The following ADK variants were observed in gnomAD, a reference collection of about 807,000 sequenced individuals.
The protein encoded by ADK is N6,N6-dimethyladenosine kinase.
Under a neutral mutation model 44.7 loss-of-function variants are expected in ADK, and 24 were observed. The observed-to-expected ratio is 0.54, with a 90% confidence interval of 0.39 to 0.76. The LOEUF is 0.76. Ranked by LOEUF, ADK falls within the 30% of genes least tolerant of loss-of-function variation. The probability of loss-of-function intolerance (pLI) is 0.00; values close to 1 mark genes in which losing one functional copy is unlikely to be tolerated. For synonymous variants in ADK, 128 were observed against 142.6 expected, an observed-to-expected ratio of 0.90 and a Z score of 0.73; for missense variants, 321 against 425.1, an observed-to-expected ratio of 0.76 and a Z score of 2.15.
intron 9 of ADK, among the ~76,000 whole-genome samples, chr10:74,633,664 T>C (rs1414933906): frequency 6.6e-6 from 1 of 152,132 alleles, no homozygotes; most frequent in South Asian, 2.1e-4. Context: ...CTTCTTCAGG[T>C]AGCAATTATA....
chr10:74,415,126 G>A (rs1273366207), intron 6 of ADK, among the ~76,000 whole-genome samples: 1 of 152,210 alleles, frequency 6.6e-6, no homozygotes, highest in East Asian at 1.9e-4. Context: ...GGAATTTTAT[G>A]TGAGATTGGA....
intron 6 of ADK, among the ~76,000 whole-genome samples, chr10:74,422,832 C>T (rs1380672000): frequency 1.3e-5 from 2 of 152,124 alleles, no homozygotes. Flanking sequence ...GTCAGGGTGA[C>T]TGAGGGTGGA....
In ADK at chr10:74,682,789, G is replaced by A. The variant is rs770407137; in HGVS notation, c.964+12520G>A. On this transcript the variant is annotated intron_variant, in intron 10 of 10. Transcript: ENST00000539909. The stretch of plus-strand genomic sequence containing the variant: ...GGGTTTCATCATATTGGCCAGAATG[G>A]TCTCTAACTCCTGACCTCAGATGAT... Among the ~76,000 whole-genome samples the A allele has an allele frequency of 5.4e-4, 82 of 151,892 alleles. 1 individual carries two copies. Among genetic ancestry groups the A allele is most frequent in the Non-Finnish European group, 1.2e-4 (8 of 67,996 alleles).
chr10:74,269,343 A>G (rs1371024798), intron 3 of ADK, among the ~76,000 whole-genome samples: 1 of 152,218 alleles, frequency 6.6e-6, no homozygotes, highest in Non-Finnish European at 1.5e-5. Context: ...TAATATAGTG[A>G]TACATCATTA....
chr10:74,528,084 G>A, intron 7 of ADK: 1 of 1,002,530 alleles, frequency 1.0e-6, no homozygotes, highest in Admixed American at 1.8e-5. Context: ...TTCTGGAAGA[G>A]GTGAAACTGG....
At chr10:74,249,913 G>A (rs922000823) in intron 3 of ADK, among the ~76,000 whole-genome samples, 3 of 152,196 alleles carry the variant, frequency 2.0e-5, no homozygotes, top group Non-Finnish European at 4.4e-5. Context: ...GTGCCAGACA[G>A]TAATTTTCCT....
At chr10:74,264,678 C>G (rs1846153579) in intron 3 of ADK, among the ~76,000 whole-genome samples, 1 of 151,988 alleles carries the variant, frequency 6.6e-6, no homozygotes, top group African/African-American at 2.4e-5. Context: ...CTTCTTATGC[C>G]TTATTTAAGA....
At chr10:74,431,997 G>A (rs2133087985) in intron 6 of ADK, among the ~76,000 whole-genome samples, 1 of 152,138 alleles carries the variant, frequency 6.6e-6, no homozygotes, top group East Asian at 1.9e-4. Context: ...TTTAAGACGA[G>A]CCTGGTCAAC....
intron 10 of ADK, among the ~76,000 whole-genome samples, chr10:74,680,169 G>T (rs1486321109): frequency 1.3e-5 from 2 of 151,916 alleles, no homozygotes; most frequent in South Asian, 4.1e-4. Context: ...AAAAAAATTA[G>T]CTGAGTGTGG....
chr10:74,224,482 A>G (rs1844450200), intron 2 of ADK, 56 bp from the exon 3 acceptor site: 7 of 1,424,132 alleles, frequency 4.9e-6, no homozygotes, highest in Non-Finnish European at 6.9e-6. Flanking sequence ...AGGTCAGCTA[A>G]CTTACGTTGA....
chr10:74,210,207 C>T (rs1300501113), intron 2 of ADK, among the ~76,000 whole-genome samples: 2 of 151,550 alleles, frequency 1.3e-5, no homozygotes, highest in African/African-American at 2.4e-5. Context: ...CACACGCCTG[C>T]AGTCCCAGCT....
At chr10:74,419,083 A>G (rs779450868) in intron 6 of ADK, among the ~76,000 whole-genome samples, 4 of 152,062 alleles carry the variant, frequency 2.6e-5, no homozygotes, top group Non-Finnish European at 5.9e-5. Context: ...AGACAGTGTT[A>G]TTTTTCCAGT....
intron 7 of ADK, among the ~76,000 whole-genome samples, chr10:74,558,371 T>C (rs537687721): frequency 6.6e-6 from 1 of 152,308 alleles, no homozygotes; most frequent in South Asian, 2.1e-4. Flanking sequence ...CTCATCATTT[T>C]CTATCTGGTG....
At chr10:74,419,923 G>A (rs1414330606) in intron 6 of ADK, among the ~76,000 whole-genome samples, 1 of 152,132 alleles carries the variant, frequency 6.6e-6, no homozygotes, top group Non-Finnish European at 1.5e-5. Flanking sequence ...ATCTGCTTCT[G>A]TTTCATTTAA....
chr10:74,324,400 C>G (rs1840936326), intron 4 of ADK, among the ~76,000 whole-genome samples: 1 of 152,202 alleles, frequency 6.6e-6, no homozygotes, highest in Non-Finnish European at 1.5e-5. Context: ...CTCCATCCTT[C>G]TACCCCTCTA....
chr10:74,182,739 G>A (rs1054233707), intron 1 of ADK, among the ~76,000 whole-genome samples: 8 of 152,090 alleles, frequency 5.3e-5, no homozygotes, highest in Admixed American at 2.6e-4. Flanking sequence ...TGAAAAAAGC[G>A]TACAAGGTTT....
intron 7 of ADK, among the ~76,000 whole-genome samples, chr10:74,526,175 A>C (rs1849031937): frequency 6.6e-6 from 1 of 151,880 alleles, no homozygotes; most frequent in African/African-American, 2.4e-5. Context: ...GATATATTAC[A>C]TTTATATTTC....
intron 3 of ADK, among the ~76,000 whole-genome samples, chr10:74,280,261 C>G (rs1846876225): frequency 6.6e-6 from 1 of 152,010 alleles, no homozygotes; most frequent in African/African-American, 2.4e-5. Context: ...TGCCACCATG[C>G]CCGGCTAATT....
At chr10:74,218,647 C>G (rs1844163319) in intron 2 of ADK, among the ~76,000 whole-genome samples, 1 of 152,072 alleles carries the variant, frequency 6.6e-6, no homozygotes, top group Non-Finnish European at 1.5e-5. Context: ...AAAGGGAAGC[C>G]CATCAGACTA....
Sources: gnomAD v4.1 joint callset for allele counts (sites outside exome capture counted in the v4.1 genomes callset) on GRCh38, gnomAD v4.1.1 for gene constraint, MANE v1.5 for transcripts, NCBI Gene and HGNC (gene_info 2026-07-23, HGNC 2026-07-21) for gene names.